Variants in BMPER observed in about 807,000 individuals in gnomAD.
BMPER encodes the protein BMP binding endothelial regulator, also known as BMP-binding endothelial regulator protein.
In BMPER, 45 loss-of-function variants were observed where a neutral mutation model predicts 87.3. That is an observed-to-expected ratio of 0.52 (90% CI 0.41 to 0.66). The LOEUF is 0.66. Among genes scored for constraint, BMPER ranks in the 30% least tolerant of loss-of-function variants. The pLI is 0.00. For synonymous variants in BMPER, 326 were observed against 316.2 expected, an observed-to-expected ratio of 1.03 and a Z score of -0.33; for missense variants, 784 against 867.5, an observed-to-expected ratio of 0.90 and a Z score of 1.21.
At chr7:33,922,764 T>G (rs936697229) in intron 2 of BMPER, among the ~76,000 whole-genome samples, 6 of 152,176 alleles carry the variant, frequency 3.9e-5, no homozygotes, top group African/African-American at 1.2e-4. Context: ...ATTGCTGGGG[T>G]TAGCTAACGG....
At chr7:33,980,500 A>T (rs1296664577) in intron 6 of BMPER, among the ~76,000 whole-genome samples, 1 of 152,232 alleles carries the variant, frequency 6.6e-6, no homozygotes, top group Non-Finnish European at 1.5e-5. Context: ...CTTTTCAGGA[A>T]ACAGGATGGT....
rs1215639302 is a variant in BMPER, at chr7:34,156,094, A to G, written c.*2821A>G. On this transcript the variant is annotated 3_prime_UTR_variant, in exon 15 of 15. Coordinates refer to ENST00000649409, the MANE Select transcript of BMPER (RefSeq NM_001365308.1). ...AAACTGTGGTACACTAAGAATCACT[A>G]ACTCTTCAGGTTGAAGGCCTCACTC... Among the ~76,000 whole-genome samples the G allele has an allele frequency of 6.6e-6, 1 of 152,184 alleles. No individual in the cohort carries two copies. Among genetic ancestry groups the G allele is most frequent in the Non-Finnish European group, 1.5e-5 (1 of 68,028 alleles).
At chr7:34,065,708 A>T (rs1010634726) in intron 11 of BMPER, among the ~76,000 whole-genome samples, 3 of 152,240 alleles carry the variant, frequency 2.0e-5, no homozygotes, top group Non-Finnish European at 2.9e-5. Context: ...GATTAAAAAA[A>T]GTTGCTATCT....
At chr7:34,133,985 G>A (rs915842255) in intron 13 of BMPER, among the ~76,000 whole-genome samples, 1 of 152,114 alleles carries the variant, frequency 6.6e-6, no homozygotes, top group Non-Finnish European at 1.5e-5. Flanking sequence ...TGTGACGTTC[G>A]ATGTAGTACA....
At chr7:34,042,722 C>G (rs1188058632) in intron 6 of BMPER, 1 of 152,186 alleles carries the variant, frequency 6.6e-6, no homozygotes, top group Non-Finnish European at 1.5e-5. Context: ...GCCTTTCATT[C>G]ACTAATTTTT....
At chr7:34,151,628 C>T (rs1791179289) in intron 14 of BMPER, among the ~76,000 whole-genome samples, 1 of 152,156 alleles carries the variant, frequency 6.6e-6, no homozygotes, top group African/African-American at 2.4e-5. Context: ...GCTGGTATAT[C>T]AGACAGCAGC....
chr7:34,050,440 T>A (rs531810551), intron 7 of BMPER, among the ~76,000 whole-genome samples: 29 of 152,220 alleles, frequency 1.9e-4, no homozygotes, highest in African/African-American at 6.7e-4. Context: ...AACTAATGAT[T>A]TAGTTCTGCA....
At chr7:34,099,099 T>G (rs1562742618) in intron 13 of BMPER, among the ~76,000 whole-genome samples, 2 of 152,062 alleles carry the variant, frequency 1.3e-5, no homozygotes, top group African/African-American at 4.8e-5. Context: ...GCTTACACTT[T>G]TGAGTGCTCA....
At chr7:33,935,111 T>C (rs1189083890) in intron 2 of BMPER, among the ~76,000 whole-genome samples, 1 of 152,196 alleles carries the variant, frequency 6.6e-6, no homozygotes, top group Non-Finnish European at 1.5e-5. Context: ...ATGACCTTTG[T>C]AGTTTAAGAA....
At chr7:33,957,578 A>T (rs1001698722) in intron 3 of BMPER, among the ~76,000 whole-genome samples, 1 of 152,062 alleles carries the variant, frequency 6.6e-6, no homozygotes, top group Admixed American at 6.6e-5. Flanking sequence ...ACACACACAC[A>T]CCCAGACAGA....
intron 13 of BMPER, among the ~76,000 whole-genome samples, chr7:34,101,505 C>T (rs1789681756): frequency 6.6e-6 from 1 of 152,190 alleles, no homozygotes; most frequent in Non-Finnish European, 1.5e-5. Context: ...AAATTGTGCA[C>T]TAATCAGTGA....
At chr7:34,090,390 T>A (rs184358866) in intron 13 of BMPER, among the ~76,000 whole-genome samples, 42 of 152,316 alleles carry the variant, frequency 2.8e-4, no homozygotes, top group African/African-American at 9.6e-4. Context: ...TATTCATCTC[T>A]CTTCTCCAGC....
At chr7:34,110,688 GT>G (rs1583449719) in intron 13 of BMPER, among the ~76,000 whole-genome samples, 1 of 152,152 alleles carries the variant, frequency 6.6e-6, no homozygotes, top group East Asian at 1.9e-4. Flanking sequence ...TCTGGGAAGG[GT>G]TTTCTATGGA....
chr7:34,084,916 A>G (rs1307803985), intron 12 of BMPER, among the ~76,000 whole-genome samples: 7 of 152,242 alleles, frequency 4.6e-5, no homozygotes, highest in Non-Finnish European at 8.8e-5. Flanking sequence ...CAAACCAAGA[A>G]GGGTCTAAGT....
At chr7:34,030,714 C>G (rs1787498763) in intron 6 of BMPER, among the ~76,000 whole-genome samples, 1 of 151,842 alleles carries the variant, frequency 6.6e-6, no homozygotes, top group South Asian at 2.1e-4. Flanking sequence ...ACCTGGACTC[C>G]TGAGCTCAAG....
intron 2 of BMPER, among the ~76,000 whole-genome samples, chr7:33,930,549 G>A (rs1784458706): frequency 6.6e-6 from 1 of 152,180 alleles, no homozygotes. Context: ...TCTCCTGTCT[G>A]TGAGTTCATG....
intron 3 of BMPER, among the ~76,000 whole-genome samples, chr7:33,951,917 T>A (rs1785035889): frequency 6.6e-6 from 1 of 152,170 alleles, no homozygotes; most frequent in African/African-American, 2.4e-5. Flanking sequence ...AATGACTGAA[T>A]GTCTACCAAC....
intron 6 of BMPER, among the ~76,000 whole-genome samples, chr7:34,014,708 G>T (rs1786974201): frequency 6.6e-6 from 1 of 151,944 alleles, no homozygotes; most frequent in Non-Finnish European, 1.5e-5. Flanking sequence ...TTGGGGAATT[G>T]AGGTTGTAAG....
At chr7:34,031,660 G>A (rs759184173) in intron 6 of BMPER, among the ~76,000 whole-genome samples, 1 of 151,696 alleles carries the variant, frequency 6.6e-6, no homozygotes, top group Non-Finnish European at 1.5e-5. Context: ...ACAGTGAGGT[G>A]GGGAAGAGGG....
Sources: gnomAD v4.1 joint callset for allele counts (sites outside exome capture counted in the v4.1 genomes callset) on GRCh38, gnomAD v4.1.1 for gene constraint, MANE v1.5 for transcripts, NCBI Gene and HGNC (gene_info 2026-07-23, HGNC 2026-07-21) for gene names.